Variants in HKDC1 observed in about 807,000 individuals in gnomAD.
HKDC1 encodes hexokinase HKDC1.
A neutral mutation model predicts 96.6 loss-of-function variants in HKDC1; 66 were observed. The ratio of observed to expected loss-of-function variants is 0.68; its 90% CI spans 0.56 to 0.84. The LOEUF is 0.84. HKDC1 is among the 40% of genes least tolerant of loss of function. The pLI, the probability that HKDC1 is intolerant of heterozygous loss-of-function variation, is 0.00. For missense variants in HKDC1, 1,211 were observed against 1,208.1 expected (o/e 1.00, Z -0.04); for synonymous variants, 466 against 473.1 (o/e 0.98, Z 0.20).
rs74642961 is a variant in HKDC1 at position 69,232,922 on chromosome 10, A to G, written c.375+10A>G. On this transcript the variant is annotated intron_variant, in intron 3 of 17. Coordinates refer to ENST00000354624, the MANE Select transcript of HKDC1 (RefSeq NM_025130.4). ...CGGGAACGGCACAGAGGTACCTGGCAGGTGGCTCCTGTGACCGCAGGGAAG... is the reference window on the plus strand; with the variant it reads ...CGGGAACGGCACAGAGGTACCTGGCGGGTGGCTCCTGTGACCGCAGGGAAG... 3.6e-5 allele frequency: 58 copies of G among 1,612,312 alleles called. No individual in the cohort carries two copies. The African/African-American group carries it at 7.6e-4, about 21-fold the overall frequency.
intron 1 of HKDC1, among the ~76,000 whole-genome samples, chr10:69,226,651 TCTTAAA>T (rs1843161198): frequency 8.4e-6 from 1 of 118,720 alleles, no homozygotes; most frequent in African/African-American, 2.5e-5. Context: ...TGAGACTCTG[TCTTAAA>T]AAAAAAAAGG....
chr10:69,235,294 C>A (rs772970969), intron 4 of HKDC1, among the ~76,000 whole-genome samples: 2 of 151,050 alleles, frequency 1.3e-5, no homozygotes, highest in African/African-American at 2.4e-5. Flanking sequence ...TGGTGGCGGG[C>A]GCCTGTAATC....
chr10:69,220,515 A>G lies in HKDC1; in HGVS notation c.63+17A>G, dbSNP rs763963457. The G allele has an allele frequency of 3.2e-6, 5 of 1,552,652 alleles. No homozygotes were observed. The East Asian group carries it at 1.2e-4, about 37-fold the overall frequency. On this transcript the variant is annotated intron_variant, in intron 1 of 17. Coordinates refer to ENST00000354624, the MANE Select transcript of HKDC1 (RefSeq NM_025130.4). Reference sequence around the variant, plus strand: ...ATCAAGAAGGTAAGGAGGACCCACGAAGCTGAGAGATGCCCAGCTCCTTCT... The same window carrying G: ...ATCAAGAAGGTAAGGAGGACCCACGGAGCTGAGAGATGCCCAGCTCCTTCT...
At chr10:69,229,106 G>C (rs1843207423) in intron 2 of HKDC1, among the ~76,000 whole-genome samples, 1 of 152,216 alleles carries the variant, frequency 6.6e-6, no homozygotes. Flanking sequence ...TGTTCAGACA[G>C]AACCACCAAG....
chr10:69,229,809 G>A (rs1190059746), intron 2 of HKDC1, among the ~76,000 whole-genome samples: 1 of 152,156 alleles, frequency 6.6e-6, no homozygotes, highest in Non-Finnish European at 1.5e-5. Context: ...GTTGTGCCGA[G>A]GTCCCTGGGC....
intron 16 of HKDC1, among the ~76,000 whole-genome samples, chr10:69,263,948 G>A (rs1390135975): frequency 6.6e-6 from 1 of 152,234 alleles, no homozygotes; most frequent in Non-Finnish European, 1.5e-5. Context: ...GCCAAGGCAG[G>A]CAGATCACCT....
intron 13 of HKDC1, 78 bp from the exon 14 acceptor site, chr10:69,257,249 C>T: frequency 6.9e-7 from 1 of 1,452,268 alleles, no homozygotes; most frequent in Non-Finnish European, 9.7e-7. Flanking sequence ...GGATAACATG[C>T]CCCTCCTAAA....
chr10:69,245,422 G>A (rs939518286), intron 7 of HKDC1, among the ~76,000 whole-genome samples: 3 of 151,516 alleles, frequency 2.0e-5, no homozygotes, highest in Non-Finnish European at 2.9e-5. Context: ...CTGTCTCTAC[G>A]AAAATAAAAA....
chr10:69,222,663 C>T (rs1843085082), intron 1 of HKDC1, among the ~76,000 whole-genome samples: 1 of 152,254 alleles, frequency 6.6e-6, no homozygotes, highest in Admixed American at 6.5e-5. Context: ...TGCTGATGGG[C>T]TCCAGGTCCT....
intron 2 of HKDC1, among the ~76,000 whole-genome samples, chr10:69,227,623 A>G (rs1276690593): frequency 2.6e-5 from 4 of 151,584 alleles, no homozygotes; most frequent in Admixed American, 2.6e-4. Context: ...GAGCATCTCC[A>G]TGTTCTTCCC....
chr10:69,265,594 G>A lies in HKDC1; in HGVS notation c.2382G>A (p.Leu794=), dbSNP rs537055859. 15 of 1,613,574 alleles carry A rather than the reference G, an allele frequency of 9.3e-6. No individual in the cohort carries two copies. In the South Asian group the frequency reaches 1.5e-4, roughly 17 times the overall value. Reference sequence around the variant, plus strand: ...GCTCTATTGCCTGCAGCGATCGGCTGGCCCTTCTCCAGGTCAGGAGGATTC... The same window carrying A: ...GCTCTATTGCCTGCAGCGATCGGCTAGCCCTTCTCCAGGTCAGGAGGATTC... The part of the protein sequence containing the change: ...KFLSQIESDR[L]ALLQVRRILQ... The change falls in exon 17 of 18, where the codon CTG becomes CTA. Residue 794 remains leucine, a synonymous_variant. Coordinates refer to ENST00000354624, the MANE Select transcript of HKDC1 (RefSeq NM_025130.4).
At chr10:69,261,058 G>A (rs1227875872) in intron 15 of HKDC1, 81 bp from the exon 16 acceptor site, 3 of 1,336,698 alleles carry the variant, frequency 2.2e-6, no homozygotes, top group Non-Finnish European at 3.2e-6. Flanking sequence ...TCCATGCGTA[G>A]CTCCAAAGCC....
intron 8 of HKDC1, among the ~76,000 whole-genome samples, chr10:69,246,894 G>A (rs78561052): frequency 0.02 from 3,047 of 152,330 alleles, 106 homozygotes; most frequent in African/African-American, 0.069. Flanking sequence ...CAGCCACGTG[G>A]CGCTGACCTG....
intron 1 of HKDC1, chr10:69,223,157 G>T (rs75238942): frequency 6.6e-6 from 1 of 152,174 alleles, no homozygotes; most frequent in African/African-American, 2.4e-5. Context: ...GGCCAGACCT[G>T]GTCACTGACC....
At chr10:69,256,774 T>G (rs895365844) in intron 12 of HKDC1, among the ~76,000 whole-genome samples, 1 of 152,128 alleles carries the variant, frequency 6.6e-6, no homozygotes, top group Non-Finnish European at 1.5e-5. Context: ...TTATTCCGCG[T>G]AATCATGGCC....
intron 12 of HKDC1, among the ~76,000 whole-genome samples, chr10:69,254,412 A>G (rs1843689888): frequency 1.3e-5 from 2 of 152,332 alleles, no homozygotes; most frequent in Non-Finnish European, 2.9e-5. Flanking sequence ...CTATGACATG[A>G]AATACATCCA....
At chr10:69,244,151 T>C (rs187327782) in intron 7 of HKDC1, among the ~76,000 whole-genome samples, 1 of 152,330 alleles carries the variant, frequency 6.6e-6, no homozygotes, top group Admixed American at 6.5e-5. Context: ...TTTATTTTGA[T>C]GCTCAAATTG....
At position 69,248,523 on chromosome 10, in the gene HKDC1, G is replaced by A. The variant is rs1483722665; in HGVS notation, c.1365G>A (p.Met455Ile). ...SESGSTKGAA[M>I]VTAVASRVQA... ...GTGGCAGCACCAAGGGGGCCGCCAT[G>A]GTGACCGCGGTGGCCTCCCGCGTGC... Residue 455 changes from methionine (M) to isoleucine (I), a missense_variant, in exon 10 of 18, where the codon ATG (methionine) becomes ATA (isoleucine). Met to Ile is a conservative substitution (Grantham distance 10). Coordinates refer to ENST00000354624, the MANE Select transcript of HKDC1 (RefSeq NM_025130.4). The A allele has an allele frequency of 4.3e-6, 7 of 1,613,478 alleles. No homozygotes were observed. In the Admixed American group the frequency reaches 5.0e-5, roughly 12 times the overall value.
At chr10:69,262,646 C>T (rs1236344526) in intron 16 of HKDC1, among the ~76,000 whole-genome samples, 6 of 152,178 alleles carry the variant, frequency 3.9e-5, no homozygotes, top group Non-Finnish European at 7.3e-5. Flanking sequence ...AAGTGGTTTA[C>T]TTAATGAGGC....
Sources: gnomAD v4.1 joint callset for allele counts (sites outside exome capture counted in the v4.1 genomes callset) on GRCh38, gnomAD v4.1.1 for gene constraint, MANE v1.5 for transcripts, NCBI Gene and HGNC (gene_info 2026-07-23, HGNC 2026-07-21) for gene names.